CDYL2: variants seen among roughly 807,000 people sequenced by gnomAD.
CDYL2 encodes the protein chromodomain Y-like protein 2.
Under a neutral mutation model 49.4 loss-of-function variants are expected in CDYL2, and 23 were observed. The ratio of observed to expected loss-of-function variants is 0.47; its 90% CI spans 0.34 to 0.66. The LOEUF is 0.66. CDYL2 is among the 30% of genes least tolerant of loss of function. The pLI, the probability that CDYL2 is intolerant of heterozygous loss-of-function variation, is 0.01. For missense variants in CDYL2, 678 were observed against 656.4 expected (o/e 1.03, Z -0.36); for synonymous variants, 360 against 268.8 (o/e 1.34, Z -3.32).
intron 2 of CDYL2, among the ~76,000 whole-genome samples, chr16:80,636,399 G>T (rs567031783): frequency 7.2e-5 from 11 of 152,226 alleles, no homozygotes; most frequent in Middle Eastern, 3.4e-3. Flanking sequence ...AGTGGGCAAA[G>T]GATATGAACA....
intron 2 of CDYL2, among the ~76,000 whole-genome samples, chr16:80,666,475 C>T (rs1478820398): frequency 6.6e-6 from 1 of 152,154 alleles, no homozygotes; most frequent in African/African-American, 2.4e-5. Context: ...ACTCACAATG[C>T]CCTTCATGGG....
intron 1 of CDYL2, among the ~76,000 whole-genome samples, chr16:80,801,721 T>G (rs1304639479): frequency 1.3e-5 from 2 of 152,236 alleles, no homozygotes; most frequent in Non-Finnish European, 2.9e-5. Flanking sequence ...CAACATACAC[T>G]GGATATTCCA....
intron 1 of CDYL2, among the ~76,000 whole-genome samples, chr16:80,711,098 G>C (rs1420421953): frequency 6.6e-6 from 1 of 152,222 alleles, no homozygotes; most frequent in East Asian, 1.9e-4. Context: ...CCAATGGAAA[G>C]TAAAGGTTGT....
At position 80,706,506 on chromosome 16, in the gene CDYL2, G is replaced by A. The variant is rs186815803; in HGVS notation, c.25-21377C>T. On this transcript the variant is annotated intron_variant, in intron 1 of 6. Transcript: ENST00000570137. ...GGGAATCATGATCACATTGTTGCAC[G>A]TTGCAGGGATCAAATAAGTTAATGT... 5.4e-4 allele frequency among the ~76,000 whole-genome samples: 82 copies of A among 152,274 alleles called. No homozygotes were observed. The East Asian group carries it at 0.012, about 22-fold the overall frequency.
chr16:80,796,954 C>T (rs1311024167), intron 1 of CDYL2, among the ~76,000 whole-genome samples: 2 of 152,168 alleles, frequency 1.3e-5, no homozygotes, highest in Non-Finnish European at 2.9e-5. Context: ...ACCATCCCCT[C>T]CTTCTTAAAA....
chr16:80,738,843 C>T (rs1425522227), intron 1 of CDYL2: 1 of 152,200 alleles, frequency 6.6e-6, no homozygotes, highest in Non-Finnish European at 1.5e-5. Flanking sequence ...TCAGTTTCCT[C>T]ATCTATAAAA....
chr16:80,804,047 G>T, intron 1 of CDYL2, 103 bp downstream of exon 1: 1 of 848,474 alleles, frequency 1.2e-6, no homozygotes, highest in Non-Finnish European at 1.4e-6. Flanking sequence ...CGGCAACTCC[G>T]GATTGCGCCC....
At chr16:80,643,899 A>C (rs1302959841) in intron 2 of CDYL2, among the ~76,000 whole-genome samples, 1 of 152,202 alleles carries the variant, frequency 6.6e-6, no homozygotes, top group Non-Finnish European at 1.5e-5. Context: ...CATCTTCCCC[A>C]CTGTCTTGGG....
intron 1 of CDYL2, among the ~76,000 whole-genome samples, chr16:80,778,874 T>C (rs1290125661): frequency 6.6e-6 from 1 of 152,034 alleles, no homozygotes; most frequent in Non-Finnish European, 1.5e-5. Context: ...ACATTTCAAG[T>C]CAGAGGGAAA....
chr16:80,782,445 C>A (rs183430269), intron 1 of CDYL2, among the ~76,000 whole-genome samples: 15 of 146,234 alleles, frequency 1.0e-4, no homozygotes, highest in Non-Finnish European at 1.6e-4. Flanking sequence ...TTAAAATCTT[C>A]TAAAAAGCTA....
intron 1 of CDYL2, among the ~76,000 whole-genome samples, chr16:80,800,311 G>C (rs778683564): frequency 6.6e-6 from 1 of 152,104 alleles, no homozygotes; most frequent in African/African-American, 2.4e-5. Context: ...CAATAAAATC[G>C]TCTCTCTTAG....
intron 1 of CDYL2, among the ~76,000 whole-genome samples, chr16:80,707,563 T>C (rs532992666): frequency 2.6e-5 from 4 of 152,362 alleles, no homozygotes; most frequent in Admixed American, 1.3e-4. Flanking sequence ...TGACTGTAAA[T>C]GCTCCAGTTG....
intron 6 of CDYL2, among the ~76,000 whole-genome samples, chr16:80,606,349 C>T (rs938955582): frequency 1.3e-5 from 2 of 152,208 alleles, no homozygotes; most frequent in African/African-American, 4.8e-5. Context: ...TATTCCTTGT[C>T]CTAAGAGCCT....
At chr16:80,713,593 T>C (rs1597093769) in intron 1 of CDYL2, among the ~76,000 whole-genome samples, 1 of 151,942 alleles carries the variant, frequency 6.6e-6, no homozygotes, top group Non-Finnish European at 1.5e-5. Context: ...TATGGCTGGG[T>C]GTGGGTATTT....
intron 1 of CDYL2, among the ~76,000 whole-genome samples, chr16:80,745,180 C>A (rs1905883601): frequency 6.6e-6 from 1 of 152,146 alleles, no homozygotes. Flanking sequence ...TTCAAGCAAA[C>A]TGCCCGAGGG....
intron 1 of CDYL2, among the ~76,000 whole-genome samples, chr16:80,708,649 G>C (rs1330854971): frequency 1.3e-5 from 2 of 152,130 alleles, no homozygotes; most frequent in African/African-American, 4.8e-5. Flanking sequence ...TGTCCCACCT[G>C]GCTGCAAAGG....
rs68130206 is a variant in CDYL2, at chr16:80,672,352, C to CACACACAGAGAGAG, written c.616+12185_616+12186insCTCTCTCTGTGTGT. On this transcript the variant is annotated intron_variant, in intron 2 of 6. Coordinates refer to ENST00000570137, the MANE Select transcript of CDYL2 (RefSeq NM_152342.4). ...ACACACACACACACACACACACACA[C>CACACACAGAGAGAG]AGAGAGAGAGAGAGAGATGAGTAGA... Among the ~76,000 whole-genome samples, 722 of 117,808 alleles carry CACACACAGAGAGAG rather than the reference C, an allele frequency of 6.1e-3. 2 individuals are homozygous for CACACACAGAGAGAG. Among genetic ancestry groups the CACACACAGAGAGAG allele is most frequent in the South Asian group, 9.7e-3 (31 of 3,192 alleles). 77.3% of individuals were successfully genotyped at this position (117,808 alleles called of 152,430 possible).
chr16:80,620,956 G>C, intron 3 of CDYL2, 21 bp from the exon 4 acceptor site: 1 of 1,576,142 alleles, frequency 6.3e-7, no homozygotes, highest in Non-Finnish European at 8.6e-7. Flanking sequence ...AGATGAATTT[G>C]CAGGGATGTT....
intron 1 of CDYL2, among the ~76,000 whole-genome samples, chr16:80,737,542 C>G (rs1215661848): frequency 6.6e-6 from 1 of 152,122 alleles, no homozygotes; most frequent in East Asian, 1.9e-4. Flanking sequence ...GCTCTTCATA[C>G]CAGCTGTTGC....
Sources: gnomAD v4.1 joint callset for allele counts (sites outside exome capture counted in the v4.1 genomes callset) on GRCh38, gnomAD v4.1.1 for gene constraint, MANE v1.5 for transcripts, NCBI Gene and HGNC (gene_info 2026-07-23, HGNC 2026-07-21) for gene names.